Variants in RPS6KA5 observed in about 807,000 individuals in gnomAD.
RPS6KA5 encodes ribosomal protein S6 kinase alpha-5.
Under a neutral mutation model 85.5 loss-of-function variants are expected in RPS6KA5, and 27 were observed. That is an observed-to-expected ratio of 0.32 (90% confidence interval 0.23 to 0.44). RPS6KA5 has a LOEUF of 0.44. RPS6KA5 is among the 20% of genes least tolerant of loss of function. The pLI is 1.00. For missense variants in RPS6KA5, 811 were observed against 980.9 expected, an observed-to-expected ratio of 0.83 and a Z score of 2.31; for synonymous variants, 334 against 348.2, an observed-to-expected ratio of 0.96 and a Z score of 0.46.
intron 1 of RPS6KA5, among the ~76,000 whole-genome samples, chr14:91,002,831 C>A: frequency 6.6e-6 from 1 of 152,096 alleles, no homozygotes; most frequent in East Asian, 1.9e-4. Context: ...GCCCTGGGAA[C>A]CACCATTCTA....
chr14:91,041,787 T>C (rs975642401), intron 1 of RPS6KA5, among the ~76,000 whole-genome samples: 1 of 152,238 alleles, frequency 6.6e-6, no homozygotes, highest in Non-Finnish European at 1.5e-5. Flanking sequence ...TTTGCTCTTA[T>C]TGTCAGGTCA....
intron 3 of RPS6KA5, among the ~76,000 whole-genome samples, chr14:90,976,774 A>C (rs2039588723): frequency 6.6e-6 from 1 of 152,208 alleles, no homozygotes; most frequent in Non-Finnish European, 1.5e-5. Flanking sequence ...TGTGTCCTAC[A>C]TGAATAAAGA....
At chr14:91,002,209 A>T (rs76359744) in intron 1 of RPS6KA5, among the ~76,000 whole-genome samples, 3,664 of 152,254 alleles carry the variant, frequency 0.024, 56 homozygotes, top group Non-Finnish European at 0.035. Flanking sequence ...CTATCCTCAA[A>T]GCATACTGAT....
At chr14:90,916,740 A>G (rs1017123746) in intron 7 of RPS6KA5, among the ~76,000 whole-genome samples, 2 of 152,210 alleles carry the variant, frequency 1.3e-5, no homozygotes, top group African/African-American at 4.8e-5. Context: ...GACAAAGTGG[A>G]TAATTAATTG....
intron 3 of RPS6KA5, among the ~76,000 whole-genome samples, chr14:90,956,419 G>C (rs1049427443): frequency 6.6e-6 from 1 of 151,840 alleles, no homozygotes; most frequent in African/African-American, 2.4e-5. Flanking sequence ...TTGTACCTTT[G>C]ATAGTGTATC....
At chr14:90,879,503 T>C (rs2033688604) in intron 14 of RPS6KA5, among the ~76,000 whole-genome samples, 1 of 152,298 alleles carries the variant, frequency 6.6e-6, no homozygotes, top group East Asian at 1.9e-4. Flanking sequence ...CAATGGCTGA[T>C]GGGTCCAGGT....
At position 90,925,941 on chromosome 14, in the gene RPS6KA5, CAAAAAAAAAAA is replaced by C. The variant is rs71117389; in HGVS notation, c.619-2756_619-2746del. ...TCGGTGATAGAGTGAGACCCTGACTCAAAAAAAAAAAAAAAAAAAAAGAAAAGAAAAGAAGA... is the reference window on the plus strand; with the variant it reads ...TCGGTGATAGAGTGAGACCCTGACTCAAAAAAAAAAGAAAAGAAAAGAAGA... On this transcript the variant is annotated intron_variant, in intron 5 of 16. Transcript: ENST00000614987. 8.2e-5 allele frequency among the ~76,000 whole-genome samples: 6 copies of C among 73,494 alleles called. No individual in the cohort carries two copies. In the East Asian group the frequency reaches 2.0e-3, roughly 25 times the overall value. 48.2% of individuals were successfully genotyped at this position (73,494 alleles called of 152,430 possible).
At chr14:90,901,597 C>G (rs2035174809) in intron 9 of RPS6KA5, among the ~76,000 whole-genome samples, 1 of 152,122 alleles carries the variant, frequency 6.6e-6, no homozygotes, top group South Asian at 2.1e-4. Flanking sequence ...CTAGAACATT[C>G]ACTAATCAAC....
rs190873400 is a variant in RPS6KA5, at chr14:90,887,754, T to G, written c.1836+2733A>C. On this transcript the variant is annotated intron_variant, in intron 14 of 16. Coordinates refer to ENST00000614987, the MANE Select transcript of RPS6KA5 (RefSeq NM_004755.4). Reference sequence around the variant, plus strand: ...GGAGGATCACTTGAAGCTAGGAATTTGAGACCAGCCTGGGCAACAAAGCAA... The same window carrying G: ...GGAGGATCACTTGAAGCTAGGAATTGGAGACCAGCCTGGGCAACAAAGCAA... Among the ~76,000 whole-genome samples the G allele has an allele frequency of 1.0e-3, 158 of 151,092 alleles. 2 individuals carry two copies. The highest frequency in any genetic ancestry group is 4.2e-3 in the Admixed American group (64 of 15,206).
chr14:91,020,322 CAAT>C (rs1347932926), intron 1 of RPS6KA5, among the ~76,000 whole-genome samples: 5 of 151,880 alleles, frequency 3.3e-5, no homozygotes, highest in East Asian at 3.9e-4. Flanking sequence ...AATGATACAA[CAAT>C]AAGAAATAAT....
In RPS6KA5 at chr14:90,961,020, T is replaced by C. The variant is rs548998984; in HGVS notation, c.395-13470A>G. On this transcript the variant is annotated intron_variant, in intron 3 of 16. Coordinates refer to ENST00000614987, the MANE Select transcript of RPS6KA5 (RefSeq NM_004755.4). The stretch of plus-strand genomic sequence containing the variant: ...GTAATAACCAGATAGGCAGGGGAAG[T>C]GGGAAAGGGCTCCCGACAGACAAGA... 3.3e-5 allele frequency among the ~76,000 whole-genome samples: 5 copies of C among 152,248 alleles called. No individual in the cohort carries two copies. In the South Asian group the frequency reaches 1.0e-3, roughly 32 times the overall value.
At chr14:91,020,007 T>TG (rs1179179709) in intron 1 of RPS6KA5, among the ~76,000 whole-genome samples, 1 of 152,206 alleles carries the variant, frequency 6.6e-6, no homozygotes, top group Non-Finnish European at 1.5e-5. Flanking sequence ...GTACAGCATA[T>TG]GACTGTAAGG....
intron 1 of RPS6KA5, among the ~76,000 whole-genome samples, chr14:91,058,144 G>A (rs2043400687): frequency 1.3e-5 from 2 of 152,302 alleles, no homozygotes; most frequent in South Asian, 2.1e-4. Context: ...GGCTGAAGAT[G>A]AGCAACTCTT....
intron 5 of RPS6KA5, among the ~76,000 whole-genome samples, chr14:90,930,821 G>C (rs569139390): frequency 1.3e-5 from 2 of 152,120 alleles, no homozygotes; most frequent in Non-Finnish European, 2.9e-5. Flanking sequence ...ACGCGAATCA[G>C]AATTACAATG....
At chr14:91,005,888 T>C (rs2040996630) in intron 1 of RPS6KA5, among the ~76,000 whole-genome samples, 1 of 152,182 alleles carries the variant, frequency 6.6e-6, no homozygotes, top group Admixed American at 6.5e-5. Flanking sequence ...GTGTGAGTCA[T>C]TCACATGCTT....
intron 14 of RPS6KA5, among the ~76,000 whole-genome samples, chr14:90,879,881 T>C (rs1389387561): frequency 3.3e-5 from 5 of 151,492 alleles, no homozygotes; most frequent in African/African-American, 9.7e-5. Flanking sequence ...CCTCCTGAGT[T>C]CAGGCAATTC....
intron 1 of RPS6KA5, among the ~76,000 whole-genome samples, chr14:91,044,847 G>A (rs2042804067): frequency 6.7e-6 from 1 of 150,374 alleles, no homozygotes; most frequent in Non-Finnish European, 1.5e-5. Context: ...CTCCAGCCTG[G>A]GCAACAGAGC....
In RPS6KA5 at chr14:90,871,994, T is replaced by C; in HGVS notation, c.*80A>G. The C allele has an allele frequency of 6.6e-7, 1 of 1,508,034 alleles. No individual in the cohort carries two copies. Among genetic ancestry groups the C allele is most frequent in the Non-Finnish European group, 8.9e-7 (1 of 1,126,958 alleles). 93.4% of individuals were successfully genotyped at this position (1,508,034 alleles called of 1,614,324 possible). The stretch of plus-strand genomic sequence containing the variant: ...TCCAATGAGACCAACGGGAAACATT[T>C]TTAAAAGCATAAAAGATCGCCTCAG... On this transcript the variant is annotated 3_prime_UTR_variant, in exon 17 of 17. Coordinates refer to ENST00000614987, the MANE Select transcript of RPS6KA5 (RefSeq NM_004755.4).
At chr14:91,035,205 T>TAA (rs1205853164) in intron 1 of RPS6KA5, among the ~76,000 whole-genome samples, 2 of 139,672 alleles carry the variant, frequency 1.4e-5, no homozygotes, top group African/African-American at 2.6e-5. Context: ...CACTCACCCT[T>TAA]AAAAAAAAAA....
Sources: allele counts gnomAD v4.1 joint callset (sites outside exome capture counted in the v4.1 genomes callset), GRCh38; gene constraint gnomAD v4.1.1; transcripts MANE v1.5; gene names NCBI Gene and HGNC (gene_info 2026-07-23, HGNC 2026-07-21).